CTNND2: variants seen among roughly 807,000 people sequenced by gnomAD.
The protein encoded by CTNND2 is catenin delta-2.
Under a neutral mutation model 144.4 loss-of-function variants are expected in CTNND2, and 22 were observed. The ratio of observed to expected loss-of-function variants is 0.15; its 90% confidence interval spans 0.11 to 0.22. The LOEUF is 0.22. Ranked by LOEUF, CTNND2 falls within the 10% of genes least tolerant of loss-of-function variation. The pLI is 1.00. For missense variants in CTNND2, 1,353 were observed against 1,618.8 expected, an observed-to-expected ratio of 0.84 and a Z score of 2.82; for synonymous variants, 751 against 695.6, an observed-to-expected ratio of 1.08 and a Z score of -1.25.
chr5:11,787,277 G>C (rs1367442789), intron 1 of CTNND2, among the ~76,000 whole-genome samples: 1 of 152,172 alleles, frequency 6.6e-6, no homozygotes, highest in African/African-American at 2.4e-5. Flanking sequence ...ACAGTCTGTT[G>C]ATAATCAAGA....
chr5:11,803,292 C>A (rs1249758345), intron 1 of CTNND2, among the ~76,000 whole-genome samples: 3 of 151,456 alleles, frequency 2.0e-5, no homozygotes, highest in African/African-American at 7.3e-5. Flanking sequence ...TGCACTCCAG[C>A]CTGGCAACAG....
chr5:11,636,947 T>C (rs1182514767), intron 2 of CTNND2, among the ~76,000 whole-genome samples: 1 of 152,074 alleles, frequency 6.6e-6, no homozygotes, highest in African/African-American at 2.4e-5. Flanking sequence ...TGCAGGTGGA[T>C]TGTATTAGGA....
At chr5:11,469,240 T>G (rs1367301727) in intron 3 of CTNND2, among the ~76,000 whole-genome samples, 1 of 152,192 alleles carries the variant, frequency 6.6e-6, no homozygotes, top group Non-Finnish European at 1.5e-5. Context: ...GTTGGGTGCC[T>G]GCAGATTTCC....
intron 7 of CTNND2, among the ~76,000 whole-genome samples, chr5:11,378,843 T>C (rs1349364025): frequency 6.6e-6 from 1 of 152,100 alleles, no homozygotes; most frequent in Non-Finnish European, 1.5e-5. Flanking sequence ...AGGGAATGGG[T>C]CTGAAATCTC....
chr5:11,553,293 TG>T (rs1448317203), intron 3 of CTNND2, among the ~76,000 whole-genome samples: 1 of 152,238 alleles, frequency 6.6e-6, no homozygotes, highest in East Asian at 1.9e-4. Flanking sequence ...TGTCAATTTC[TG>T]TGTGGTTGTC....
At chr5:11,241,411 G>C (rs768407261) in intron 9 of CTNND2, among the ~76,000 whole-genome samples, 4 of 152,180 alleles carry the variant, frequency 2.6e-5, no homozygotes, top group Non-Finnish European at 1.5e-5. Flanking sequence ...GAAGGTGAAC[G>C]TAAGTTAGCA....
chr5:11,117,399 C>G (rs375482761), intron 13 of CTNND2, 51 bp downstream of exon 13: 2 of 1,401,854 alleles, frequency 1.4e-6, no homozygotes, highest in Admixed American at 3.4e-5. Context: ...TGTTGAGTCC[C>G]GTGGGAGTCT....
chr5:11,429,775 A>G (rs542283903), intron 3 of CTNND2, among the ~76,000 whole-genome samples: 1 of 152,296 alleles, frequency 6.6e-6, no homozygotes, highest in Admixed American at 6.5e-5. Context: ...GTGATGAAAG[A>G]GTGTCTAGCA....
At chr5:11,193,576 A>G (rs1205341126) in intron 11 of CTNND2, among the ~76,000 whole-genome samples, 2 of 152,208 alleles carry the variant, frequency 1.3e-5, no homozygotes, top group African/African-American at 4.8e-5. Context: ...AATTTGGTTT[A>G]AATAATTTGC....
chr5:11,514,278 C>T (rs940195878), intron 3 of CTNND2, among the ~76,000 whole-genome samples: 1 of 151,968 alleles, frequency 6.6e-6, no homozygotes, highest in Non-Finnish European at 1.5e-5. Context: ...TATATATGCA[C>T]TATATAAATA....
intron 1 of CTNND2, among the ~76,000 whole-genome samples, chr5:11,786,087 A>G (rs937204519): frequency 2.6e-5 from 4 of 152,214 alleles, no homozygotes; most frequent in Non-Finnish European, 5.9e-5. Context: ...CCCATTCTGC[A>G]AGTGGGTACA....
At chr5:11,461,916 G>A (rs1766258383) in intron 3 of CTNND2, among the ~76,000 whole-genome samples, 1 of 152,084 alleles carries the variant, frequency 6.6e-6, no homozygotes. Context: ...TCATATTGCT[G>A]TTTCACTATT....
chr5:11,027,915 A>T (rs763500141), intron 16 of CTNND2, among the ~76,000 whole-genome samples: 1 of 152,118 alleles, frequency 6.6e-6, no homozygotes, highest in Non-Finnish European at 1.5e-5. Flanking sequence ...TTCGGTTTCC[A>T]TGTTGTGTTT....
At chr5:11,743,532 A>C (rs947350164) in intron 1 of CTNND2, among the ~76,000 whole-genome samples, 2 of 152,204 alleles carry the variant, frequency 1.3e-5, no homozygotes, top group Non-Finnish European at 2.9e-5. Flanking sequence ...AATCTGGCAA[A>C]ACATATAGAG....
chr5:11,010,160 G>A (rs1241489617), intron 18 of CTNND2, among the ~76,000 whole-genome samples: 1 of 152,158 alleles, frequency 6.6e-6, no homozygotes, highest in Non-Finnish European at 1.5e-5. Flanking sequence ...CCAATAATCT[G>A]TTGTTGAAGA....
chr5:11,307,101 A>G (rs576244115), intron 9 of CTNND2, among the ~76,000 whole-genome samples: 1 of 148,580 alleles, frequency 6.7e-6, no homozygotes, highest in Admixed American at 6.6e-5. Context: ...TGTGATCCCA[A>G]AGCCTTTTTT....
At chr5:11,100,517 T>C (rs1300380649) in intron 14 of CTNND2, among the ~76,000 whole-genome samples, 2 of 152,174 alleles carry the variant, frequency 1.3e-5, no homozygotes, top group African/African-American at 4.8e-5. Flanking sequence ...GAATAGAAAG[T>C]GGGCACTAGA....
chr5:11,312,802 C>T (rs972785230), intron 9 of CTNND2, among the ~76,000 whole-genome samples: 13 of 149,226 alleles, frequency 8.7e-5, no homozygotes, highest in Admixed American at 6.0e-4. Flanking sequence ...GCCAGCCATA[C>T]GTCCCTGGAC....
At chr5:11,452,996 T>G (rs1347777404) in intron 3 of CTNND2, among the ~76,000 whole-genome samples, 1 of 152,172 alleles carries the variant, frequency 6.6e-6, no homozygotes, top group Non-Finnish European at 1.5e-5. Flanking sequence ...GTGTTTGAAG[T>G]ACTGTATATT....
Sources: gnomAD v4.1 joint callset for allele counts (sites outside exome capture counted in the v4.1 genomes callset) on GRCh38, gnomAD v4.1.1 for gene constraint, MANE v1.5 for transcripts, NCBI Gene and HGNC (gene_info 2026-07-23, HGNC 2026-07-21) for gene names.